The following IGFBP2 variants were observed in gnomAD, a reference collection of about 807,000 sequenced individuals.
IGFBP2 encodes the protein insulin-like growth factor-binding protein 2.
Under a neutral mutation model 26.2 loss-of-function variants are expected in IGFBP2, and 12 were observed. That is an observed-to-expected ratio of 0.46 (90% CI 0.29 to 0.74). IGFBP2 has a LOEUF of 0.74. Among genes scored for constraint, IGFBP2 ranks in the 30% least tolerant of loss-of-function variants. The probability of loss-of-function intolerance (pLI) is 0.09; values close to 1 mark genes in which losing one functional copy is unlikely to be tolerated. For synonymous variants in IGFBP2, 189 were observed against 200.6 expected (o/e 0.94, Z 0.49); for missense variants, 328 against 441.2 (o/e 0.74, Z 2.30).
At chr2:216,656,396 C>T (rs951718117) in intron 1 of IGFBP2, among the ~76,000 whole-genome samples, 2 of 152,114 alleles carry the variant, frequency 1.3e-5, no homozygotes, top group South Asian at 4.1e-4. Context: ...TATAGTGGAG[C>T]TAGATTTGCT....
At chr2:216,646,492 G>A (rs1262976853) in intron 1 of IGFBP2, among the ~76,000 whole-genome samples, 1 of 152,236 alleles carries the variant, frequency 6.6e-6, no homozygotes, top group African/African-American at 2.4e-5. Context: ...AAGAGTTAAT[G>A]TAACAGGGTA....
At chr2:216,649,883 C>T (rs1047867359) in intron 1 of IGFBP2, among the ~76,000 whole-genome samples, 1 of 152,190 alleles carries the variant, frequency 6.6e-6, no homozygotes, top group Non-Finnish European at 1.5e-5. Context: ...TGAGGGCATA[C>T]TCTAGAAACC....
chr2:216,634,548 T>C (rs2106185197), intron 1 of IGFBP2, among the ~76,000 whole-genome samples: 1 of 152,296 alleles, frequency 6.6e-6, no homozygotes, highest in South Asian at 2.1e-4. Context: ...ACCACTACTA[T>C]TTCTCCATAG....
chr2:216,636,263 C>G (rs1352074100), intron 1 of IGFBP2, among the ~76,000 whole-genome samples: 1 of 152,128 alleles, frequency 6.6e-6, no homozygotes, highest in Admixed American at 6.5e-5. Flanking sequence ...CTCTCCTCTC[C>G]GAAGAATGAG....
chr2:216,659,227 G>A (rs187252618), intron 1 of IGFBP2, among the ~76,000 whole-genome samples: 6 of 152,312 alleles, frequency 3.9e-5, no homozygotes, highest in African/African-American at 7.2e-5. Flanking sequence ...GCCAGCACCC[G>A]GTGCTGTCCC....
At chr2:216,648,849 C>G (rs1299764787) in intron 1 of IGFBP2, among the ~76,000 whole-genome samples, 2 of 152,100 alleles carry the variant, frequency 1.3e-5, no homozygotes, top group Admixed American at 1.3e-4. Flanking sequence ...CCTCGTGATC[C>G]ACCTGTCTTG....
intron 1 of IGFBP2, among the ~76,000 whole-genome samples, chr2:216,654,443 G>A (rs1240740993): frequency 2.6e-5 from 4 of 152,192 alleles, no homozygotes; most frequent in African/African-American, 9.7e-5. Context: ...TAAGAAAGTT[G>A]TCTGGTGCTG....
rs988601570 is a variant in IGFBP2 at position 216,664,375 on chromosome 2, G to T, written c.*271G>T. The T allele has an allele frequency of 1.8e-5, 6 of 331,540 alleles. No homozygotes were observed. The highest frequency in any genetic ancestry group is 2.2e-5 in the Non-Finnish European group (4 of 182,674). The allele number at this position is 331,540 out of a possible 1,614,324, so 20.5% of individuals were successfully genotyped here. The stretch of plus-strand genomic sequence containing the variant: ...GGTACAGGTTTGGGGAGGGGGAAGA[G>T]AAATTTTTATTTTTGAACCCCTGTG... On this transcript the variant is annotated 3_prime_UTR_variant, in exon 4 of 4. Coordinates refer to ENST00000233809, the MANE Select transcript of IGFBP2 (RefSeq NM_000597.3). The surrounding 1 kb of genome is among the most constrained non-coding windows in gnomAD (Gnocchi z 4.6).
At chr2:216,639,056 A>G (rs1272039914) in intron 1 of IGFBP2, among the ~76,000 whole-genome samples, 2 of 109,864 alleles carry the variant, frequency 1.8e-5, no homozygotes, top group Non-Finnish European at 3.5e-5. Flanking sequence ...TCCGTCGCCC[A>G]GGCTGGAGTG....
At chr2:216,643,627 C>T (rs866566493) in intron 1 of IGFBP2, among the ~76,000 whole-genome samples, 1 of 151,110 alleles carries the variant, frequency 6.6e-6, no homozygotes, top group Non-Finnish European at 1.5e-5. Context: ...TCGTGGGTCA[C>T]ACATAAAATA....
At chr2:216,650,583 T>A (rs1052912180) in intron 1 of IGFBP2, among the ~76,000 whole-genome samples, 30 of 152,204 alleles carry the variant, frequency 2.0e-4, no homozygotes, top group Admixed American at 2.0e-4. Flanking sequence ...CCTGTGCCTG[T>A]TGGGCTTGCC....
intron 1 of IGFBP2, chr2:216,659,619 A>C (rs1697993054): frequency 1.1e-6 from 1 of 925,814 alleles, no homozygotes. Context: ...CCAGAGTGAG[A>C]CTGTGGCAGG....
At position 216,633,927 on chromosome 2, in the gene IGFBP2, G is replaced by A. The variant is rs769172082; in HGVS notation, c.404G>A (p.Arg135Gln). ...VMGEGTCEKR[R>Q]DAEYGASPEQ... Reference sequence around the variant, plus strand: ...GGCGAGGGCACTTGTGAGAAGCGCCGGGACGCCGAGTATGGCGCCAGCCCG... The same window carrying A: ...GGCGAGGGCACTTGTGAGAAGCGCCAGGACGCCGAGTATGGCGCCAGCCCG... Residue 135 changes from arginine to glutamine, a missense_variant, in exon 1 of 4, where the codon CGG becomes CAG. Arg to Gln is a conservative substitution (Grantham distance 43). Transcript: ENST00000233809. The A allele has an allele frequency of 2.5e-6, 4 of 1,603,090 alleles. No homozygotes were observed. Among genetic ancestry groups the A allele is most frequent in the Middle Eastern group, 1.7e-4 (1 of 5,928 alleles).
At chr2:216,635,571 TAA>T (rs1697479249) in intron 1 of IGFBP2, among the ~76,000 whole-genome samples, 1 of 151,434 alleles carries the variant, frequency 6.6e-6, no homozygotes, top group South Asian at 2.1e-4. Flanking sequence ...ACTGTTTTAA[TAA>T]AGTGTGTGAT....
chr2:216,653,538 T>C (rs1697865674), intron 1 of IGFBP2, among the ~76,000 whole-genome samples: 1 of 152,236 alleles, frequency 6.6e-6, no homozygotes, highest in Non-Finnish European at 1.5e-5. Flanking sequence ...TTGTGAAGAA[T>C]GGCAGAGAGG....
At chr2:216,634,244 A>G (rs1697448172) in intron 1 of IGFBP2, among the ~76,000 whole-genome samples, 1 of 152,176 alleles carries the variant, frequency 6.6e-6, no homozygotes, top group African/African-American at 2.4e-5. Context: ...ACGGACCCAG[A>G]CTTCTATTCT....
intron 1 of IGFBP2, among the ~76,000 whole-genome samples, chr2:216,647,618 T>C (rs533936379): frequency 1.3e-5 from 2 of 151,802 alleles, no homozygotes; most frequent in African/African-American, 2.4e-5. Flanking sequence ...CTCCCGGGTT[T>C]GCACCATTCT....
chr2:216,659,258 C>G (rs1697983230), intron 1 of IGFBP2, among the ~76,000 whole-genome samples: 2 of 152,230 alleles, frequency 1.3e-5, no homozygotes, highest in African/African-American at 2.4e-5. Context: ...GAGGTGCCCC[C>G]TCCCTTAGTT....
In IGFBP2 at chr2:216,661,881, C is replaced by T; in HGVS notation, c.696C>T (p.Asp232=). ...AGACTCCCTGCCAACAGGAACTGGA[C>T]CAGGTCCTGGAGCGGATCTCCACCA... ...PARTPCQQEL[D]QVLERISTMR... Residue 232 remains aspartate (D), a synonymous_variant, in exon 3 of 4, where the codon GAC becomes GAT. Transcript: ENST00000233809. The T allele has an allele frequency of 6.2e-7, 1 of 1,614,192 alleles. No homozygotes were observed. Among genetic ancestry groups the T allele is most frequent in the South Asian group, 1.1e-5 (1 of 91,082 alleles).
Sources: gnomAD v4.1 joint callset for allele counts (sites outside exome capture counted in the v4.1 genomes callset) on GRCh38, gnomAD v4.1.1 for gene constraint, Gnocchi (gnomAD v3.1) non-coding constraint, MANE v1.5 for transcripts, NCBI Gene and HGNC (gene_info 2026-07-23, HGNC 2026-07-21) for gene names.